Variants in ADGRB3 observed in about 807,000 individuals in gnomAD.
ADGRB3 encodes the protein adhesion G protein-coupled receptor B3.
In ADGRB3, 37 loss-of-function variants were observed where a neutral mutation model predicts 193.4. The ratio of observed to expected loss-of-function variants is 0.19; its 90% CI spans 0.15 to 0.25. The LOEUF (loss-of-function observed/expected upper bound fraction) is 0.25. Among genes scored for constraint, ADGRB3 ranks in the 10% least tolerant of loss-of-function variants. ADGRB3 has a pLI of 1.00. For missense variants in ADGRB3, 1,637 were observed against 1,852.9 expected, an observed-to-expected ratio of 0.88 and a Z score of 2.14; for synonymous variants, 690 against 644.2, an observed-to-expected ratio of 1.07 and a Z score of -1.08.
intron 3 of ADGRB3, among the ~76,000 whole-genome samples, chr6:68,697,767 C>T (rs561863626): frequency 1.3e-5 from 2 of 152,010 alleles, no homozygotes; most frequent in South Asian, 4.1e-4. Context: ...CCACATTGCC[C>T]TGTTTACCAG....
chr6:69,066,178 A>G (rs1771899213), intron 16 of ADGRB3, among the ~76,000 whole-genome samples: 2 of 151,272 alleles, frequency 1.3e-5, no homozygotes, highest in Non-Finnish European at 2.9e-5. Context: ...ATCCACATAT[A>G]TATATTAATA....
intron 11 of ADGRB3, among the ~76,000 whole-genome samples, chr6:68,997,959 A>G (rs1387421758): frequency 6.6e-6 from 1 of 152,148 alleles, no homozygotes; most frequent in East Asian, 1.9e-4. Flanking sequence ...TGAGAGATTT[A>G]TGTAAGTATT....
intron 13 of ADGRB3, among the ~76,000 whole-genome samples, chr6:69,022,258 A>G (rs1441015520): frequency 2.0e-5 from 3 of 151,808 alleles, no homozygotes; most frequent in African/African-American, 2.4e-5. Flanking sequence ...CTATCTGCAT[A>G]GGTAAGTGGT....
chr6:69,000,087 A>G (rs1256352691), intron 11 of ADGRB3, among the ~76,000 whole-genome samples: 2 of 152,220 alleles, frequency 1.3e-5, no homozygotes, highest in Non-Finnish European at 2.9e-5. Context: ...ACTTAATAAA[A>G]TTTAATCAGA....
At chr6:69,181,314 A>T (rs6937017) in intron 17 of ADGRB3, among the ~76,000 whole-genome samples, 228 of 152,296 alleles carry the variant, frequency 1.5e-3, no homozygotes, top group African/African-American at 5.1e-3. Flanking sequence ...TAATGTTTTA[A>T]TCATGATCTA....
At chr6:69,235,232 T>C (rs1215585566) in intron 19 of ADGRB3, 97 bp downstream of exon 19, 1 of 960,112 alleles carries the variant, frequency 1.0e-6, no homozygotes, top group Non-Finnish European at 1.6e-6. Flanking sequence ...GTCTTCTTAA[T>C]TTACTGAAAG....
At chr6:69,168,620 A>G (rs1219789066) in intron 17 of ADGRB3, among the ~76,000 whole-genome samples, 3 of 152,146 alleles carry the variant, frequency 2.0e-5, no homozygotes, top group Admixed American at 2.0e-4. Context: ...ATTATGGCTT[A>G]TAGTGGGTAT....
At chr6:68,990,188 A>G (rs1769194288) in intron 10 of ADGRB3, among the ~76,000 whole-genome samples, 2 of 151,950 alleles carry the variant, frequency 1.3e-5, no homozygotes, top group Admixed American at 6.6e-5. Flanking sequence ...TCTAGGAAAT[A>G]GGTAGTGAAA....
intron 3 of ADGRB3, among the ~76,000 whole-genome samples, chr6:68,693,565 G>A (rs1224124442): frequency 6.6e-6 from 1 of 151,924 alleles, no homozygotes; most frequent in Non-Finnish European, 1.5e-5. Context: ...AATGATAGTG[G>A]GAAAATTGTT....
chr6:68,839,769 T>C (rs1481912645), intron 3 of ADGRB3, among the ~76,000 whole-genome samples: 4 of 152,106 alleles, frequency 2.6e-5, no homozygotes, highest in African/African-American at 7.2e-5. Flanking sequence ...TAGTACCTGG[T>C]TTTAAGTTCA....
chr6:69,160,051 C>G (rs1660544031), intron 17 of ADGRB3, among the ~76,000 whole-genome samples: 1 of 151,986 alleles, frequency 6.6e-6, no homozygotes, highest in Non-Finnish European at 1.5e-5. Flanking sequence ...TTATCATGGC[C>G]CAAACATTCA....
intron 3 of ADGRB3, among the ~76,000 whole-genome samples, chr6:68,761,009 T>C (rs1475748945): frequency 6.6e-6 from 1 of 152,234 alleles, no homozygotes; most frequent in Non-Finnish European, 1.5e-5. Context: ...GTTAAATGGC[T>C]TGGGTTATTT....
chr6:69,301,243 A>G (rs1767943552), intron 20 of ADGRB3, among the ~76,000 whole-genome samples: 2 of 151,850 alleles, frequency 1.3e-5, no homozygotes, highest in East Asian at 3.9e-4. Flanking sequence ...CTATTATACA[A>G]TTTTTAAATT....
At chr6:69,011,098 A>T (rs1433405356) in intron 11 of ADGRB3, among the ~76,000 whole-genome samples, 1 of 151,162 alleles carries the variant, frequency 6.6e-6, no homozygotes, top group East Asian at 1.9e-4. Context: ...GTGAATATAT[A>T]TTCAGTATGT....
In ADGRB3 at chr6:69,183,872, G is replaced by T. The variant is rs558955331; in HGVS notation, c.2481-49418G>T. Among the ~76,000 whole-genome samples the T allele has an allele frequency of 1.8e-3, 281 of 152,110 alleles. 1 individual carries two copies. Among genetic ancestry groups the T allele is most frequent in the African/African-American group, 6.5e-3 (268 of 41,540 alleles). On this transcript the variant is annotated intron_variant, in intron 17 of 31. Transcript: ENST00000370598. ...CCAGTATCATGCTCTGTGTTTCCGG[G>T]ACATGGACAATGCAAATAAATTAGT...
intron 3 of ADGRB3, among the ~76,000 whole-genome samples, chr6:68,894,509 T>C (rs988928858): frequency 4.6e-5 from 7 of 152,008 alleles, no homozygotes; most frequent in African/African-American, 1.7e-4. Flanking sequence ...ATGCTGAAAA[T>C]TATGGAATGA....
chr6:69,298,075 A>G (rs1480738762), intron 20 of ADGRB3, among the ~76,000 whole-genome samples: 3 of 152,116 alleles, frequency 2.0e-5, no homozygotes, highest in African/African-American at 4.8e-5. Flanking sequence ...TTTTCCTTAT[A>G]AAAGAAAAAT....
chr6:68,694,756 C>A (rs923355641), intron 3 of ADGRB3, among the ~76,000 whole-genome samples: 6 of 152,002 alleles, frequency 3.9e-5, no homozygotes, highest in African/African-American at 1.4e-4. Flanking sequence ...CTGCTCCTGT[C>A]CCTCATCTCT....
chr6:69,333,178 T>C (rs1768764189), intron 24 of ADGRB3, among the ~76,000 whole-genome samples, 170 bp downstream of exon 24: 1 of 152,200 alleles, frequency 6.6e-6, no homozygotes, highest in African/African-American at 2.4e-5. Context: ...TTTTAAGCAA[T>C]ACGACCAAAA....
Sources: allele counts gnomAD v4.1 joint callset (sites outside exome capture counted in the v4.1 genomes callset), GRCh38; gene constraint gnomAD v4.1.1; transcripts MANE v1.5; gene names NCBI Gene and HGNC (gene_info 2026-07-23, HGNC 2026-07-21).